The following MED12L variants were observed in gnomAD, a reference collection of about 807,000 sequenced individuals.
MED12L encodes the protein mediator complex subunit 12L.
In MED12L, 60 loss-of-function variants were observed where a neutral mutation model predicts 281.3. The observed-to-expected ratio is 0.21, with a 90% CI of 0.17 to 0.26. The LOEUF (loss-of-function observed/expected upper bound fraction) is 0.26. MED12L is among the 10% of genes least tolerant of loss of function. The probability of loss-of-function intolerance (pLI) is 1.00; values close to 1 mark genes in which losing one functional copy is unlikely to be tolerated. For missense variants in MED12L, 2,146 were observed against 2,680.9 expected (o/e 0.80, Z 4.41); for synonymous variants, 974 against 987.2 (o/e 0.99, Z 0.25).
At chr3:151,353,419 A>G (rs182380130) in intron 17 of MED12L, among the ~76,000 whole-genome samples, 71 of 152,376 alleles carry the variant, frequency 4.7e-4, no homozygotes, top group Admixed American at 3.2e-3. Flanking sequence ...AAAAATAAGC[A>G]GGTTTAATGA....
At chr3:151,155,470 C>G (rs1018545898) in intron 5 of MED12L, among the ~76,000 whole-genome samples, 3 of 152,108 alleles carry the variant, frequency 2.0e-5, no homozygotes, top group Non-Finnish European at 4.4e-5. Context: ...TTTCACCCTC[C>G]CTGAGTTTTG....
intron 38 of MED12L, among the ~76,000 whole-genome samples, chr3:151,393,433 A>C (rs896383507): frequency 6.6e-6 from 1 of 152,210 alleles, no homozygotes; most frequent in Non-Finnish European, 1.5e-5. Flanking sequence ...CATAGAGTAG[A>C]GGAAGAAGTC....
intron 9 of MED12L, among the ~76,000 whole-genome samples, chr3:151,164,746 A>G (rs1391631697): frequency 2.0e-5 from 3 of 152,064 alleles, no homozygotes; most frequent in Non-Finnish European, 2.9e-5. Flanking sequence ...AACTATTGCA[A>G]GGACAAAAAA....
intron 16 of MED12L, among the ~76,000 whole-genome samples, chr3:151,305,459 A>G (rs1746513878): frequency 6.6e-6 from 1 of 152,136 alleles, no homozygotes; most frequent in African/African-American, 2.4e-5. Flanking sequence ...AAAAGGATTA[A>G]CACATTCTCA....
chr3:151,207,972 C>A (rs1726601886), intron 16 of MED12L, among the ~76,000 whole-genome samples: 1 of 152,078 alleles, frequency 6.6e-6, no homozygotes, highest in Non-Finnish European at 1.5e-5. Flanking sequence ...TTATTTTATT[C>A]TTTTTCATTT....
At chr3:151,189,766 C>T (rs1576922776) in intron 13 of MED12L, among the ~76,000 whole-genome samples, 1 of 152,320 alleles carries the variant, frequency 6.6e-6, no homozygotes, top group East Asian at 1.9e-4. Flanking sequence ...GCAGGTTCAT[C>T]TTACAAATTT....
At chr3:151,307,541 GTGT>G (rs1746851539) in intron 16 of MED12L, among the ~76,000 whole-genome samples, 1 of 6,040 alleles carries the variant, frequency 1.7e-4, no homozygotes, top group Non-Finnish European at 2.6e-4. Flanking sequence ...CTCTGTGTGT[GTGT>G]GTGTGTGTGT....
intron 38 of MED12L, among the ~76,000 whole-genome samples, chr3:151,392,948 A>T (rs952867680): frequency 1.3e-4 from 20 of 152,266 alleles, no homozygotes; most frequent in African/African-American, 4.8e-4. Flanking sequence ...CTCTTTTTAC[A>T]TATCAATATA....
At chr3:151,362,782 T>C (rs1754779803) in intron 21 of MED12L, among the ~76,000 whole-genome samples, 1 of 152,172 alleles carries the variant, frequency 6.6e-6, no homozygotes, top group Non-Finnish European at 1.5e-5. Flanking sequence ...ATTAATAAAG[T>C]GTGAAAATAT....
intron 16 of MED12L, among the ~76,000 whole-genome samples, chr3:151,239,809 C>T (rs2149372704): frequency 6.6e-6 from 1 of 152,134 alleles, no homozygotes; most frequent in African/African-American, 2.4e-5. Flanking sequence ...AGCTCTTAAG[C>T]TATTAAATAT....
chr3:151,285,367 C>T (rs2149639304), intron 16 of MED12L, among the ~76,000 whole-genome samples: 1 of 152,158 alleles, frequency 6.6e-6, no homozygotes, highest in African/African-American at 2.4e-5. Context: ...TGCCTGTAGT[C>T]CCAGCTACTC....
intron 11 of MED12L, among the ~76,000 whole-genome samples, chr3:151,170,420 C>T (rs1173483585): frequency 1.3e-5 from 2 of 151,582 alleles, no homozygotes; most frequent in Non-Finnish European, 2.9e-5. Flanking sequence ...GATTAATAGG[C>T]GCCTGCCACC....
rs1471880664 is a variant in MED12L at position 151,429,200 on chromosome 3, G to GA, written c.6409-1095dup. ...GGCCAGCCAGCAGAGACTCATGGAG[G>GA]AAAATTGGCAAAAACAAAACTTCAC... On this transcript the variant is annotated intron_variant, in intron 43 of 44. Transcript: ENST00000687756. Among the ~76,000 whole-genome samples the GA allele has an allele frequency of 2.6e-5, 4 of 152,320 alleles. No individual in the cohort carries two copies. In the East Asian group the frequency reaches 7.7e-4, roughly 29 times the overall value.
At chr3:151,261,908 G>A (rs1238376858) in intron 16 of MED12L, among the ~76,000 whole-genome samples, 1 of 152,000 alleles carries the variant, frequency 6.6e-6, no homozygotes. Flanking sequence ...TGTATTTTTA[G>A]TAGAGACGGG....
intron 16 of MED12L, among the ~76,000 whole-genome samples, chr3:151,303,791 A>C (rs1048430184): frequency 2.0e-5 from 3 of 152,118 alleles, no homozygotes; most frequent in Non-Finnish European, 4.4e-5. Flanking sequence ...AAAAACCCAA[A>C]ACCACACAGT....
At position 151,432,972 on chromosome 3, in the gene MED12L, C is replaced by G. The variant is rs1363700474; in HGVS notation, c.*168C>G. 3.6e-6 allele frequency: 2 copies of G among 552,706 alleles called. No individual in the cohort carries two copies. Among genetic ancestry groups the G allele is most frequent in the Non-Finnish European group, 6.2e-6 (2 of 322,288 alleles). The allele number at this position is 552,706 out of a possible 1,614,324, so 34.2% of individuals were successfully genotyped here. Reference sequence around the variant, plus strand: ...AAAAAAAAGGTGTTTAAACAAAAAGCCAAGGAGAAGTTGTGGTTTGATTTT... The same window carrying G: ...AAAAAAAAGGTGTTTAAACAAAAAGGCAAGGAGAAGTTGTGGTTTGATTTT... On this transcript the variant is annotated 3_prime_UTR_variant, in exon 45 of 45. Transcript: ENST00000687756.
At chr3:151,320,210 T>G (rs993759019) in intron 16 of MED12L, among the ~76,000 whole-genome samples, 13 of 152,328 alleles carry the variant, frequency 8.5e-5, no homozygotes, top group African/African-American at 3.1e-4. Context: ...TCTGTATCAC[T>G]AATCTCAGAT....
intron 16 of MED12L, among the ~76,000 whole-genome samples, chr3:151,255,992 G>A (rs1214731656): frequency 6.6e-6 from 1 of 152,150 alleles, no homozygotes; most frequent in Admixed American, 6.6e-5. Flanking sequence ...TCAGTAAATG[G>A]TAGGGTCTCT....
chr3:151,182,721 T>C (rs1722849948), intron 11 of MED12L, among the ~76,000 whole-genome samples: 1 of 152,180 alleles, frequency 6.6e-6, no homozygotes, highest in Admixed American at 6.5e-5. Context: ...GATGCCATTT[T>C]CTAAGAGAAA....
Sources: gnomAD v4.1 joint callset for allele counts (sites outside exome capture counted in the v4.1 genomes callset) on GRCh38, gnomAD v4.1.1 for gene constraint, MANE v1.5 for transcripts, NCBI Gene and HGNC (gene_info 2026-07-23, HGNC 2026-07-21) for gene names.